ZNF169: variants seen among roughly 807,000 people sequenced by gnomAD.
ZNF169 encodes zinc finger protein 169.
Under a neutral mutation model 12.0 loss-of-function variants are expected in ZNF169, and 11 were observed. The observed-to-expected ratio is 0.92, with a 90% CI of 0.58 to 1.52. ZNF169 has a LOEUF of 1.52. Among genes scored for constraint, ZNF169 ranks in the 40% most tolerant of loss-of-function variants. The pLI is 0.00. For missense variants in ZNF169, 722 were observed against 744.0 expected, an observed-to-expected ratio of 0.97 and a Z score of 0.34; for synonymous variants, 302 against 286.5, an observed-to-expected ratio of 1.05 and a Z score of -0.55.
chr9:94,270,728 AT>A (rs1830381957), intron 1 of ZNF169, among the ~76,000 whole-genome samples: 1 of 25,476 alleles, frequency 3.9e-5, no homozygotes, highest in South Asian at 2.0e-3. Flanking sequence ...AATATTATAT[AT>A]TATATAATTA....
Position 94,293,087 on chromosome 9 carries a change from G to A in ZNF169, c.256+18G>A, listed in dbSNP as rs1401447375. ...TTGTCCAGGTGAGTGGGAAGCCCTG[G>A]GCAAGCGAGGGTGCAGGGCAGTGAG... On this transcript the variant is annotated intron_variant, in intron 4 of 4. Coordinates refer to ENST00000395395, the MANE Select transcript of ZNF169 (RefSeq NM_194320.4). The A allele has an allele frequency of 6.2e-7, 1 of 1,602,870 alleles. No homozygotes were observed. Among genetic ancestry groups the A allele is most frequent in the African/African-American group, 1.3e-5 (1 of 74,860 alleles).
intron 1 of ZNF169, among the ~76,000 whole-genome samples, chr9:94,275,935 G>A (rs998266295): frequency 4.0e-5 from 6 of 151,258 alleles, no homozygotes; most frequent in Non-Finnish European, 7.4e-5. Context: ...TACCATGCCC[G>A]GCTAGTTTTT....
Position 94,299,886 on chromosome 9 carries a change from T to C in ZNF169, c.328T>C (p.Tyr110His). The C allele has an allele frequency of 6.2e-7, 1 of 1,614,054 alleles. No homozygotes were observed. ...TTCTAGCTCGCAGCTCCTCAGACAA[T>C]ATGCGCTAAGTGGCCATCCCACACA... is the stretch of plus-strand genomic sequence containing the variant. ...AFSSSQLLRQ[Y>H]ALSGHPTQIF... is the part of the protein sequence containing the mutation. The change falls in exon 5 of 5, where the codon TAT (tyrosine) becomes CAT (histidine). Residue 110 changes from tyrosine to histidine, a missense_variant. Coordinates refer to ENST00000395395, the MANE Select transcript of ZNF169 (RefSeq NM_194320.4).
At chr9:94,292,856 C>T (rs954285935) in intron 3 of ZNF169, 118 bp from the exon 4 acceptor site, 85 of 810,222 alleles carry the variant, frequency 1.0e-4, no homozygotes, top group Admixed American at 1.8e-4. Context: ...TTTACTCCAC[C>T]CCTGCACCTC....
chr9:94,282,444 C>T (rs1486101872), intron 2 of ZNF169, among the ~76,000 whole-genome samples: 2 of 152,162 alleles, frequency 1.3e-5, no homozygotes, highest in East Asian at 3.9e-4. Context: ...CAACTTGAAG[C>T]AAGGCGGGGA....
chr9:94,284,416 C>G (rs979459208), intron 2 of ZNF169, among the ~76,000 whole-genome samples: 3 of 152,104 alleles, frequency 2.0e-5, no homozygotes, highest in Non-Finnish European at 4.4e-5. Flanking sequence ...CAGAGTGAGA[C>G]TCCATCTCAA....
intron 2 of ZNF169, among the ~76,000 whole-genome samples, chr9:94,286,241 T>C (rs532133628): frequency 2.0e-4 from 31 of 152,328 alleles, no homozygotes; most frequent in African/African-American, 7.2e-4. Context: ...TGTGTGACTG[T>C]TGAGAAAGAA....
At position 94,300,435 on chromosome 9, in the gene ZNF169, A is replaced by C; in HGVS notation, c.877A>C (p.Arg293=). Residue 293 remains arginine, a synonymous_variant, in exon 5 of 5, where the codon AGG becomes CGG. Coordinates refer to ENST00000395395, the MANE Select transcript of ZNF169 (RefSeq NM_194320.4). ...CTCGGGGGAGAAGCCGTATGTGTGC[A>C]GGGAATGTGGGCGACACTTCAGGTA... ...KHSGEKPYVC[R]ECGRHFRYTS... 1.2e-6 allele frequency: 2 copies of C among 1,613,010 alleles called. No individual in the cohort carries two copies. Among genetic ancestry groups the C allele is most frequent in the Non-Finnish European group, 1.7e-6 (2 of 1,179,742 alleles).
At chr9:94,290,500 G>A (rs1190099184) in intron 2 of ZNF169, among the ~76,000 whole-genome samples, 1 of 150,936 alleles carries the variant, frequency 6.6e-6, no homozygotes. Context: ...TCATATATTT[G>A]TCCTTTTGTG....
At chr9:94,261,022 T>TTTGTTTG (rs1564079987) in intron 1 of ZNF169, among the ~76,000 whole-genome samples, 12 of 147,728 alleles carry the variant, frequency 8.1e-5, no homozygotes, top group African/African-American at 2.3e-4. Flanking sequence ...GGGGTTTGTT[T>TTTGTTTG]TTTGTTTGTT....
chr9:94,274,163 A>T (rs1830479859), intron 1 of ZNF169, among the ~76,000 whole-genome samples: 1 of 152,160 alleles, frequency 6.6e-6, no homozygotes, highest in Admixed American at 6.5e-5. Context: ...GACACCAGTT[A>T]TATTGGAGTA....
intron 1 of ZNF169, among the ~76,000 whole-genome samples, chr9:94,270,675 TAAATATATATA>T (rs1229924197): frequency 2.0e-4 from 14 of 71,018 alleles, no homozygotes; most frequent in African/African-American, 5.4e-4. Flanking sequence ...ATATACTATA[TAAATATATATA>T]AATATATAAT....
chr9:94,299,934 G>A lies in ZNF169; in HGVS notation c.376G>A (p.Gly126Arg). 6.2e-7 allele frequency: 1 copy of A among 1,614,130 alleles called. No homozygotes were observed. The highest frequency in any genetic ancestry group is 8.5e-7 in the Non-Finnish European group (1 of 1,180,036). ...PTQIFPSSSA[G>R]GDFQLEAPRC... is the part of the protein sequence containing the mutation. ...ACAGATCTTCCCAAGCTCATCTGCAGGAGGTGACTTCCAACTAGAAGCTCC... is the reference window on the plus strand; with the variant it reads ...ACAGATCTTCCCAAGCTCATCTGCAAGAGGTGACTTCCAACTAGAAGCTCC... Residue 126 changes from glycine (G) to arginine (R), a missense_variant, in exon 5 of 5, where the codon GGA becomes AGA. Gly to Arg is a moderately radical substitution (Grantham distance 125). Transcript: ENST00000395395.
At chr9:94,289,720 G>A (rs1428738498) in intron 2 of ZNF169, among the ~76,000 whole-genome samples, 1 of 152,122 alleles carries the variant, frequency 6.6e-6, no homozygotes, top group Non-Finnish European at 1.5e-5. Context: ...CATTCGGGAG[G>A]CAGAGAATGC....
At chr9:94,273,663 T>C (rs1367337668) in intron 1 of ZNF169, among the ~76,000 whole-genome samples, 1 of 143,722 alleles carries the variant, frequency 7.0e-6, no homozygotes, top group Non-Finnish European at 1.5e-5. Flanking sequence ...CACTGCCAAC[T>C]CCGCCTCCCG....
intron 1 of ZNF169, among the ~76,000 whole-genome samples, chr9:94,278,268 G>C (rs1830560193): frequency 6.6e-6 from 1 of 152,136 alleles, no homozygotes; most frequent in Admixed American, 6.5e-5. Flanking sequence ...TATGTGAGTG[G>C]AGGGAAGGGT....
intron 1 of ZNF169, among the ~76,000 whole-genome samples, chr9:94,276,527 A>AT (rs1830522346): frequency 6.6e-6 from 1 of 151,860 alleles, no homozygotes; most frequent in African/African-American, 2.4e-5. Flanking sequence ...CCAAAGTGCT[A>AT]GGATTACAGA....
intron 2 of ZNF169, chr9:94,288,453 T>G (rs113314681): frequency 9.3e-7 from 1 of 1,073,154 alleles, no homozygotes; most frequent in Non-Finnish European, 1.4e-6. Context: ...TCTTCTCTTT[T>G]GTTTTCAAAT....
At position 94,301,007 on chromosome 9, in the gene ZNF169, G is replaced by A. The variant is rs758931820; in HGVS notation, c.1449G>A (p.Glu483=). Residue 483 remains glutamate, a synonymous_variant, in exon 5 of 5, where the codon GAG becomes GAA. Transcript: ENST00000395395. ...LIRHQRTHTG[E]KPYLCPKCGR... ...GACACCAGAGGACACACACAGGGGA[G>A]AAGCCTTATCTGTGCCCCAAGTGTG... is the stretch of plus-strand genomic sequence containing the variant. 6.2e-7 allele frequency: 1 copy of A among 1,613,870 alleles called. No individual in the cohort carries two copies. Among genetic ancestry groups the A allele is most frequent in the Admixed American group, 1.7e-5 (1 of 60,004 alleles).
Sources: allele counts gnomAD v4.1 joint callset (sites outside exome capture counted in the v4.1 genomes callset), GRCh38; gene constraint gnomAD v4.1.1; transcripts MANE v1.5; gene names NCBI Gene and HGNC (gene_info 2026-07-23, HGNC 2026-07-21).